The following ANKRD11 variants were observed in gnomAD, a reference collection of about 807,000 sequenced individuals.
ANKRD11 encodes ankyrin repeat domain 11.
In ANKRD11, 17 loss-of-function variants were observed where a neutral mutation model predicts 195.7. The observed-to-expected ratio is 0.09, with a 90% CI of 0.06 to 0.13. The LOEUF (loss-of-function observed/expected upper bound fraction) is 0.13. Among genes scored for constraint, ANKRD11 ranks in the 10% least tolerant of loss-of-function variants. ANKRD11 has a pLI of 1.00. For missense variants in ANKRD11, 3,735 were observed against 3,566.1 expected, an observed-to-expected ratio of 1.05 and a Z score of -1.21; for synonymous variants, 1,953 against 1,528.1, an observed-to-expected ratio of 1.28 and a Z score of -6.49.
chr16:89,275,037 C>G, intron 10 of ANKRD11, 56 bp downstream of exon 10: 1 of 1,612,932 alleles, frequency 6.2e-7, no homozygotes, highest in South Asian at 1.1e-5. Flanking sequence ...CCCCTGGGGC[C>G]TGCGCCGTGA....
rs1214745446 is a variant in ANKRD11 at position 89,314,686 on chromosome 16, G to C, written c.87+2247C>G. Among the ~76,000 whole-genome samples, 4 of 152,162 alleles carry C rather than the reference G, an allele frequency of 2.6e-5. No individual in the cohort carries two copies. In the East Asian group the frequency reaches 7.7e-4, roughly 29 times the overall value. On this transcript the variant is annotated intron_variant, in intron 3 of 12. Coordinates refer to ENST00000301030, the MANE Select transcript of ANKRD11 (RefSeq NM_013275.6). ...CATATCTGAGACCTGAGCCAGGAGA[G>C]CTCCCTCTTTCCTCCACTGCTTACT...
chr16:89,475,988 G>C (rs1035251862), intron 1 of ANKRD11, among the ~76,000 whole-genome samples: 1 of 151,410 alleles, frequency 6.6e-6, no homozygotes, highest in Non-Finnish European at 1.5e-5. Context: ...GGAGGTGGAG[G>C]TTGCAGGGAG....
chr16:89,283,019 T>G lies in ANKRD11; in HGVS notation c.3523A>C (p.Arg1175=). The change falls in exon 9 of 13, where the codon AGG becomes CGG. Residue 1175 remains arginine, a synonymous_variant. Coordinates refer to ENST00000301030, the MANE Select transcript of ANKRD11 (RefSeq NM_013275.6). The surrounding 1 kb of genome is among the most constrained non-coding windows in gnomAD (Gnocchi z 4.3). ...RKSSDKQHPE[R]QKDKEPRDRR... ...TCTCTGGGCTCCTTGTCCTTCTGCC[T>G]CTCAGGGTGCTGCTTGTCAGAAGAC... 6.2e-7 allele frequency: 1 copy of G among 1,613,858 alleles called. No individual in the cohort carries two copies. Among genetic ancestry groups the G allele is most frequent in the Non-Finnish European group, 8.5e-7 (1 of 1,180,018 alleles).
At chr16:89,290,577 A>G (rs759753277) in intron 6 of ANKRD11, 48 bp downstream of exon 6, 15 of 1,594,076 alleles carry the variant, frequency 9.4e-6, no homozygotes, top group Non-Finnish European at 1.3e-5. Flanking sequence ...GGGGAGGCTC[A>G]GGGCTCCAGT....
At chr16:89,361,296 C>G (rs1218035080) in intron 2 of ANKRD11, among the ~76,000 whole-genome samples, 1 of 152,220 alleles carries the variant, frequency 6.6e-6, no homozygotes, top group Non-Finnish European at 1.5e-5. Context: ...CCTTCCTTGG[C>G]CTCAGCACAC....
rs781179335 is a variant in ANKRD11, at chr16:89,279,824, C to T, written c.6718G>A (p.Glu2240Lys). ...TGTTCTGGGGGAACGGGCGCGGGCTCCACGCTGGAGTCCGGATCCCCACGG... is the reference window on the plus strand; with the variant it reads ...TGTTCTGGGGGAACGGGCGCGGGCTTCACGCTGGAGTCCGGATCCCCACGG... ...RARGDPDSSV[E>K]PAPVPPEQRP... The change falls in exon 9 of 13, where the codon GAG becomes AAG. Residue 2240 changes from glutamate to lysine, a missense_variant. Transcript: ENST00000301030. This position sits in a 1 kb window ranked among gnomAD's most constrained non-coding sequence, Gnocchi z 5.6. 2.6e-6 allele frequency: 4 copies of T among 1,545,238 alleles called. No individual in the cohort carries two copies. Among genetic ancestry groups the T allele is most frequent in the Admixed American group, 2.0e-5 (1 of 51,162 alleles).
chr16:89,296,708 C>T (rs1024285742), intron 4 of ANKRD11, among the ~76,000 whole-genome samples: 18 of 152,354 alleles, frequency 1.2e-4, no homozygotes, highest in Middle Eastern at 3.4e-3. Context: ...TCTTGTAATT[C>T]CAACCAGGCT....
chr16:89,456,099 G>A (rs1369251692), intron 1 of ANKRD11, among the ~76,000 whole-genome samples: 2 of 152,046 alleles, frequency 1.3e-5, no homozygotes, highest in Non-Finnish European at 2.9e-5. Flanking sequence ...AAGTAGTCTG[G>A]TGTGGTGGCG....
At chr16:89,443,908 C>T (rs1299441691) in intron 1 of ANKRD11, among the ~76,000 whole-genome samples, 1 of 152,142 alleles carries the variant, frequency 6.6e-6, no homozygotes, top group Non-Finnish European at 1.5e-5. Context: ...CCTGTGCCAA[C>T]TACAGCTGCC....
chr16:89,324,621 C>T (rs1297818000), intron 2 of ANKRD11: 2 of 420,068 alleles, frequency 4.8e-6, no homozygotes, highest in East Asian at 1.4e-4. Flanking sequence ...TCTGCGGAAG[C>T]ACTGGACTGG....
In ANKRD11 at chr16:89,301,538, C is replaced by G. The variant is rs996316761; in HGVS notation, c.226+3668G>C. 8 of 398,812 alleles carry G rather than the reference C, an allele frequency of 2.0e-5. No homozygotes were observed. In the Admixed American group the frequency reaches 2.2e-4, roughly 11 times the overall value. 24.7% of individuals were successfully genotyped at this position (398,812 alleles called of 1,614,324 possible). A position where few individuals can be genotyped will look rare whatever the true frequency, so the allele number is the denominator to read the frequency against. The stretch of plus-strand genomic sequence containing the variant: ...GTCTGAGAGGGCTCGGTGGGCAGAG[C>G]TGTCTTGGGGCCGGGACATGGCAGG... On this transcript the variant is annotated intron_variant, in intron 4 of 12. Transcript: ENST00000301030.
chr16:89,272,318 C>T (rs2353026), intron 11 of ANKRD11: 125,470 of 152,204 alleles, frequency 0.82, 52,037 homozygotes, highest in Middle Eastern at 0.87. Flanking sequence ...AAACAGCCGC[C>T]GTGGAGAACA....
rs145575890 is a variant in ANKRD11, at chr16:89,428,296, C to T, written c.-144-9928G>A. Among the ~76,000 whole-genome samples, 1,233 of 151,428 alleles carry T rather than the reference C, an allele frequency of 8.1e-3. 13 individuals are homozygous for T. The highest frequency in any genetic ancestry group is 0.024 in the African/African-American group (985 of 41,222). The stretch of plus-strand genomic sequence containing the variant: ...ATCCCAGCACTTTGGGAGGCCAAGG[C>T]GGGCAGATCAGAAGGTCAGGAGATC... On this transcript the variant is annotated intron_variant, in intron 1 of 12. Coordinates refer to ENST00000301030, the MANE Select transcript of ANKRD11 (RefSeq NM_013275.6).
At chr16:89,353,224 C>A (rs1205977318) in intron 2 of ANKRD11, among the ~76,000 whole-genome samples, 1 of 151,880 alleles carries the variant, frequency 6.6e-6, no homozygotes, top group African/African-American at 2.4e-5. Context: ...CGCCTATAAT[C>A]CCAGCTACTC....
At chr16:89,278,829 G>T in intron 9 of ANKRD11, 1 of 695,044 alleles carries the variant, frequency 1.4e-6, no homozygotes, top group Non-Finnish European at 2.6e-6. Flanking sequence ...TGAGGGGGAG[G>T]TCAGGAGACC....
intron 1 of ANKRD11, among the ~76,000 whole-genome samples, chr16:89,454,803 G>A: frequency 5.5e-5 from 4 of 73,172 alleles, no homozygotes; most frequent in Non-Finnish European, 8.6e-5. Flanking sequence ...TCCTCAAGCT[G>A]CTCCCCTGGG....
intron 2 of ANKRD11, among the ~76,000 whole-genome samples, chr16:89,353,668 C>T (rs2152036801): frequency 6.6e-6 from 1 of 152,222 alleles, no homozygotes; most frequent in South Asian, 2.1e-4. Context: ...TTAGTAGAGA[C>T]AGGGTTTCAT....
At chr16:89,485,314 T>A (rs1363954098) in intron 1 of ANKRD11, among the ~76,000 whole-genome samples, 2 of 142,734 alleles carry the variant, frequency 1.4e-5, no homozygotes, top group African/African-American at 5.2e-5. Flanking sequence ...GGAAACCCCA[T>A]CTCTACTTTA....
Position 89,490,377 on chromosome 16 carries a change from G to C in ANKRD11, c.-277C>G, listed in dbSNP as rs948111751. 2.3e-5 allele frequency: 4 copies of C among 176,530 alleles called. No individual in the cohort carries two copies. Among genetic ancestry groups the C allele is most frequent in the Non-Finnish European group, 3.5e-5 (3 of 85,398 alleles). 10.9% of individuals were successfully genotyped at this position (176,530 alleles called of 1,614,324 possible). A position where few individuals can be genotyped will look rare whatever the true frequency, so the allele number is the denominator to read the frequency against. ...GCGGCGGCGGCGGCGGCGCGGGCTCGGGCCCGGCAGAGCTGCGAGGGACGG... is the reference window on the plus strand; with the variant it reads ...GCGGCGGCGGCGGCGGCGCGGGCTCCGGCCCGGCAGAGCTGCGAGGGACGG... On this transcript the variant is annotated 5_prime_UTR_variant, in exon 1 of 13. Transcript: ENST00000301030.
Sources: gnomAD v4.1 joint callset for allele counts (sites outside exome capture counted in the v4.1 genomes callset) on GRCh38, gnomAD v4.1.1 for gene constraint, Gnocchi (gnomAD v3.1) non-coding constraint, MANE v1.5 for transcripts, NCBI Gene and HGNC (gene_info 2026-07-23, HGNC 2026-07-21) for gene names.